Variants in GPC5 observed in about 807,000 individuals in gnomAD.
GPC5 encodes glypican 5, also known as glypican-5.
GPC5 carries 47 observed loss-of-function variants against 53.9 expected under a neutral mutation model. That is an observed-to-expected ratio of 0.87 (90% CI 0.69 to 1.11). The LOEUF is 1.11. GPC5 is among the 50% of genes most tolerant of loss of function. GPC5 has a pLI of 0.00. For missense variants in GPC5, 748 were observed against 713.1 expected (o/e 1.05, Z -0.56); for synonymous variants, 286 against 263.3 (o/e 1.09, Z -0.84).
At chr13:91,828,966 G>T (rs373197311) in intron 5 of GPC5, among the ~76,000 whole-genome samples, 50 of 152,086 alleles carry the variant, frequency 3.3e-4, no homozygotes, top group African/African-American at 1.0e-3. Context: ...TTGATGAGGG[G>T]CATCATAATG....
At chr13:91,777,933 G>A (rs1383771941) in intron 5 of GPC5, among the ~76,000 whole-genome samples, 3 of 152,056 alleles carry the variant, frequency 2.0e-5, no homozygotes, top group Admixed American at 6.6e-5. Context: ...GCTTGGCACC[G>A]CAATAGACTC....
At chr13:91,694,513 A>C (rs2035837696) in intron 3 of GPC5, among the ~76,000 whole-genome samples, 1 of 152,216 alleles carries the variant, frequency 6.6e-6, no homozygotes, top group African/African-American at 2.4e-5. Context: ...TAGCAGGCTG[A>C]AACGTTTTTA....
intron 6 of GPC5, among the ~76,000 whole-genome samples, chr13:92,093,772 C>A (rs1485535547): frequency 1.3e-5 from 2 of 152,092 alleles, no homozygotes; most frequent in Admixed American, 1.3e-4. Flanking sequence ...ATGGGTAGAG[C>A]CTGGGCTTTG....
chr13:92,153,365 T>C lies in GPC5; in HGVS notation c.1561+8376T>C, dbSNP rs371534494. On this transcript the variant is annotated intron_variant, in intron 7 of 7. Coordinates refer to ENST00000377067, the MANE Select transcript of GPC5 (RefSeq NM_004466.6). ...GTTGGCTAGGCTGGTTTCAAACTCC[T>C]GACCTCAAGTGATCCACCTGCCTCA... Among the ~76,000 whole-genome samples the C allele has an allele frequency of 3.9e-5, 6 of 152,180 alleles. No homozygotes were observed. The East Asian group carries it at 1.2e-3, about 29-fold the overall frequency.
intron 6 of GPC5, among the ~76,000 whole-genome samples, chr13:92,008,263 C>T (rs1413588839): frequency 5.9e-5 from 9 of 152,038 alleles, no homozygotes; most frequent in Non-Finnish European, 1.3e-4. Flanking sequence ...GGGGTTTCAC[C>T]GTGTTAGCCA....
chr13:92,727,522 A>G (rs1328708960), intron 7 of GPC5, among the ~76,000 whole-genome samples: 1 of 151,384 alleles, frequency 6.6e-6, no homozygotes, highest in Non-Finnish European at 1.5e-5. Flanking sequence ...ATGGGTGTCC[A>G]CCTTTAACTT....
intron 6 of GPC5, among the ~76,000 whole-genome samples, chr13:92,058,195 A>C (rs1166221587): frequency 1.3e-5 from 2 of 152,118 alleles, no homozygotes; most frequent in Admixed American, 1.3e-4. Context: ...ATATATTTTT[A>C]ATTTTTATTT....
intron 6 of GPC5, among the ~76,000 whole-genome samples, chr13:92,012,011 T>C (rs2040666072): frequency 6.6e-6 from 1 of 152,196 alleles, no homozygotes; most frequent in Non-Finnish European, 1.5e-5. Flanking sequence ...TCTATGAGGA[T>C]AGCTGTGGAA....
intron 5 of GPC5, among the ~76,000 whole-genome samples, chr13:91,873,456 T>C (rs1355707687): frequency 6.6e-6 from 1 of 152,106 alleles, no homozygotes; most frequent in Admixed American, 6.5e-5. Context: ...AGTGATTGAA[T>C]CATGGGGGCG....
At chr13:91,435,243 G>T (rs1180958842) in intron 1 of GPC5, among the ~76,000 whole-genome samples, 1 of 152,186 alleles carries the variant, frequency 6.6e-6, no homozygotes, top group African/African-American at 2.4e-5. Flanking sequence ...CGTGGTGAGA[G>T]AGGGCATCCC....
intron 7 of GPC5, among the ~76,000 whole-genome samples, chr13:92,865,258 T>A (rs1393165145): frequency 6.6e-6 from 1 of 152,168 alleles, no homozygotes; most frequent in Admixed American, 6.6e-5. Context: ...TGAAACACTT[T>A]ATCCCTAACT....
chr13:92,206,120 A>G (rs1238838535), intron 7 of GPC5, among the ~76,000 whole-genome samples: 3 of 141,032 alleles, frequency 2.1e-5, no homozygotes, highest in South Asian at 2.3e-4. Flanking sequence ...TGTTGTTGTT[A>G]TTGTTGTTGT....
intron 6 of GPC5, among the ~76,000 whole-genome samples, chr13:92,036,925 T>C (rs1340171226): frequency 6.6e-6 from 1 of 152,204 alleles, no homozygotes; most frequent in Non-Finnish European, 1.5e-5. Context: ...CCCTCCAACT[T>C]AAAATACTAT....
chr13:92,351,005 G>A (rs1378703342), intron 7 of GPC5, among the ~76,000 whole-genome samples: 1 of 151,926 alleles, frequency 6.6e-6, no homozygotes, highest in African/African-American at 2.4e-5. Context: ...GACTATTTCA[G>A]TATAAAGTCA....
At chr13:92,431,159 A>T (rs899723556) in intron 7 of GPC5, among the ~76,000 whole-genome samples, 6 of 152,196 alleles carry the variant, frequency 3.9e-5, no homozygotes, top group African/African-American at 1.4e-4. Flanking sequence ...ACAAACACTT[A>T]TTAACCACTT....
At chr13:92,639,043 A>G (rs1203161845) in intron 7 of GPC5, among the ~76,000 whole-genome samples, 3 of 152,202 alleles carry the variant, frequency 2.0e-5, no homozygotes, top group Non-Finnish European at 4.4e-5. Context: ...GGCATGTTGC[A>G]TAGTATCTTG....
chr13:92,182,718 A>T (rs2042155697), intron 7 of GPC5, among the ~76,000 whole-genome samples: 1 of 152,020 alleles, frequency 6.6e-6, no homozygotes, highest in African/African-American at 2.4e-5. Context: ...TACAAAAAAA[A>T]ATTAGCCGGG....
intron 7 of GPC5, among the ~76,000 whole-genome samples, chr13:92,211,185 T>C (rs2042372290): frequency 6.6e-6 from 1 of 152,164 alleles, no homozygotes; most frequent in Admixed American, 6.5e-5. Flanking sequence ...ATATGCAAAG[T>C]GGGAGGGCTT....
intron 1 of GPC5, among the ~76,000 whole-genome samples, chr13:91,442,287 A>G (rs76495824): frequency 0.022 from 3,423 of 152,306 alleles, 65 homozygotes; most frequent in South Asian, 0.047. Flanking sequence ...TACTATTTTT[A>G]TAATGATTTC....
Sources: allele counts gnomAD v4.1 joint callset (sites outside exome capture counted in the v4.1 genomes callset), GRCh38; gene constraint gnomAD v4.1.1; transcripts MANE v1.5; gene names NCBI Gene and HGNC (gene_info 2026-07-23, HGNC 2026-07-21).